SFMBT2: variants seen among roughly 807,000 people sequenced by gnomAD.
SFMBT2 encodes scm-like with four MBT domains protein 2.
Under a neutral mutation model 110.1 loss-of-function variants are expected in SFMBT2, and 38 were observed. The ratio of observed to expected loss-of-function variants is 0.35; its 90% CI spans 0.27 to 0.45. The LOEUF (loss-of-function observed/expected upper bound fraction) is 0.45, where lower values mean the gene tolerates loss of function less well. Ranked by LOEUF, SFMBT2 falls within the 20% of genes least tolerant of loss-of-function variation. SFMBT2 has a pLI of 1.00. For synonymous variants in SFMBT2, 425 were observed against 425.4 expected, an observed-to-expected ratio of 1.00 and a Z score of 0.01; for missense variants, 1,011 against 1,094.9, an observed-to-expected ratio of 0.92 and a Z score of 1.08.
chr10:7,283,819 C>T, intron 6 of SFMBT2, 85 bp downstream of exon 6: 1 of 907,074 alleles, frequency 1.1e-6, no homozygotes, highest in Non-Finnish European at 1.8e-6. Context: ...TACCAGAAAG[C>T]TCATACATTT....
At chr10:7,229,753 C>T (rs796750797) in intron 9 of SFMBT2, among the ~76,000 whole-genome samples, 5 of 149,752 alleles carry the variant, frequency 3.3e-5, no homozygotes, top group African/African-American at 1.2e-4. Flanking sequence ...TGGAGTCTCA[C>T]TCTGTTACCC....
intron 4 of SFMBT2, among the ~76,000 whole-genome samples, chr10:7,335,620 C>CAA (rs781682609): frequency 1.3e-4 from 20 of 150,864 alleles, no homozygotes; most frequent in Admixed American, 5.3e-4. Context: ...CACACACACA[C>CAA]AACCATATAC....
rs1417259636 is a variant in SFMBT2, at chr10:7,265,819, GAA to G, written c.870+11071_870+11072del. Among the ~76,000 whole-genome samples, 3 of 152,292 alleles carry G rather than the reference GAA, an allele frequency of 2.0e-5. No individual in the cohort carries two copies. In the South Asian group the frequency reaches 6.2e-4, roughly 32 times the overall value. Reference sequence around the variant, plus strand: ...TATATCCCCATGAATCCCCATTCAAGAACATTTACTGAGAACTGATGATGTCC... The same window carrying G: ...TATATCCCCATGAATCCCCATTCAAGCATTTACTGAGAACTGATGATGTCC... On this transcript the variant is annotated intron_variant, in intron 7 of 20. Transcript: ENST00000397167.
In SFMBT2 at chr10:7,171,794, G is replaced by A. The variant is rs1588761964; in HGVS notation, c.2415+101C>T. ...AGCTAGAGCAGCTGCTGCTGTTGGA[G>A]GTATTTTAAACAGGTTTCCCCACAT... On this transcript the variant is annotated intron_variant, in intron 19 of 20. Coordinates refer to ENST00000397167, the MANE Select transcript of SFMBT2 (RefSeq NM_001387889.1). This position sits in a 1 kb window ranked among gnomAD's most constrained non-coding sequence, Gnocchi z 4.9. 3 of 1,201,830 alleles carry A rather than the reference G, an allele frequency of 2.5e-6. No individual in the cohort carries two copies. The highest frequency in any genetic ancestry group is 3.2e-6 in the Non-Finnish European group (3 of 929,460). The allele number at this position is 1,201,830 out of a possible 1,614,324, so 74.4% of individuals were successfully genotyped here.
At chr10:7,193,875 A>G (rs1388098700) in intron 15 of SFMBT2, among the ~76,000 whole-genome samples, 1 of 152,232 alleles carries the variant, frequency 6.6e-6, no homozygotes, top group Non-Finnish European at 1.5e-5. Context: ...CAATCTCCTG[A>G]TATGACATAG....
intron 2 of SFMBT2, among the ~76,000 whole-genome samples, chr10:7,379,987 GT>G (rs1845378185): frequency 6.6e-6 from 1 of 152,200 alleles, no homozygotes; most frequent in South Asian, 2.1e-4. Context: ...CCAATACACA[GT>G]TGGTGTTTAA....
intron 15 of SFMBT2, among the ~76,000 whole-genome samples, chr10:7,194,061 C>CT (rs1838692289): frequency 6.6e-6 from 1 of 152,196 alleles, no homozygotes; most frequent in Non-Finnish European, 1.5e-5. Flanking sequence ...CTCCATGCAA[C>CT]TGGGCATGGG....
At chr10:7,343,791 T>C (rs538513055) in intron 4 of SFMBT2, among the ~76,000 whole-genome samples, 6 of 152,138 alleles carry the variant, frequency 3.9e-5, no homozygotes, top group Non-Finnish European at 1.5e-5. Context: ...GGTTCTAACT[T>C]AGAAGCAAAC....
rs751737222 is a variant in SFMBT2, at chr10:7,248,546, A to C, written c.972+2T>G. On this transcript the variant is annotated splice_donor_variant, in intron 8 of 20. Coordinates refer to ENST00000397167, the MANE Select transcript of SFMBT2 (RefSeq NM_001387889.1). LOFTEE classifies it high-confidence loss of function. ...GTCGAAGAGCGAGGGAGGAAAACCC[A>C]CCTTAGTCACCGACGCAGGAGAGAT... 1 of 1,613,328 alleles carries C rather than the reference A, an allele frequency of 6.2e-7. No homozygotes were observed. Among genetic ancestry groups the C allele is most frequent in the Admixed American group, 1.7e-5 (1 of 60,018 alleles).
At chr10:7,328,193 G>A (rs1843454686) in intron 4 of SFMBT2, among the ~76,000 whole-genome samples, 1 of 152,122 alleles carries the variant, frequency 6.6e-6, no homozygotes, top group South Asian at 2.1e-4. Context: ...TATTGACTGT[G>A]GCTCTAATTT....
Position 7,171,574 on chromosome 10 carries a change from T to C in SFMBT2, c.2415+321A>G, listed in dbSNP as rs1448298387. 1 of 985,112 alleles carries C rather than the reference T, an allele frequency of 1.0e-6. No individual in the cohort carries two copies. The highest frequency in any genetic ancestry group is 6.2e-5 in the Admixed American group (1 of 16,238). 61.0% of individuals were successfully genotyped at this position (985,112 alleles called of 1,614,324 possible). On this transcript the variant is annotated intron_variant, in intron 19 of 20. Coordinates refer to ENST00000397167, the MANE Select transcript of SFMBT2 (RefSeq NM_001387889.1). The surrounding 1 kb of genome is among the most constrained non-coding windows in gnomAD (Gnocchi z 4.9). ...CAAGACACAGCGCAGTCAGGGGAGA[T>C]GCGGGGAAGGAATTTCTGGAAACCC...
At position 7,303,846 on chromosome 10, in the gene SFMBT2, A is replaced by C. The variant is rs1308417733; in HGVS notation, c.437-17892T>G. Among the ~76,000 whole-genome samples, 4 of 152,326 alleles carry C rather than the reference A, an allele frequency of 2.6e-5. No homozygotes were observed. In the East Asian group the frequency reaches 7.7e-4, roughly 29 times the overall value. ...ATGTAGTCACACATATTTATGCCAG[A>C]TAGGAGCTTATCTTGCTTGACCACA... is the stretch of plus-strand genomic sequence containing the variant. On this transcript the variant is annotated intron_variant, in intron 4 of 20. Transcript: ENST00000397167.
At position 7,243,545 on chromosome 10, in the gene SFMBT2, A is replaced by G. The variant is rs775122271; in HGVS notation, c.1120+13T>C. The G allele has an allele frequency of 1.1e-6, 1 of 872,456 alleles. No individual in the cohort carries two copies. Among genetic ancestry groups the G allele is most frequent in the Non-Finnish European group, 2.0e-6 (1 of 501,516 alleles). The allele number at this position is 872,456 out of a possible 1,614,324, so 54.0% of individuals were successfully genotyped here. The stretch of plus-strand genomic sequence containing the variant: ...GAATCTCCAGACCCTGCATACCTTC[A>G]CAGAATACAAACCTTTGGGAGGAGT... On this transcript the variant is annotated intron_variant, in intron 9 of 20. Transcript: ENST00000397167.
chr10:7,197,062 G>A (rs991488252), intron 15 of SFMBT2, among the ~76,000 whole-genome samples: 2 of 151,930 alleles, frequency 1.3e-5, no homozygotes, highest in African/African-American at 2.4e-5. Flanking sequence ...ATTACCTCCC[G>A]TGTGCAGGTA....
chr10:7,346,869 C>G (rs1413233978), intron 4 of SFMBT2, among the ~76,000 whole-genome samples: 10 of 151,452 alleles, frequency 6.6e-5, no homozygotes, highest in African/African-American at 1.2e-4. Flanking sequence ...GCCTGTAATC[C>G]CAGCTACTCA....
At chr10:7,402,112 T>TAA (rs76629935) in intron 1 of SFMBT2, among the ~76,000 whole-genome samples, 4 of 125,466 alleles carry the variant, frequency 3.2e-5, no homozygotes, top group Non-Finnish European at 3.4e-5. Flanking sequence ...TATTTAACAT[T>TAA]AAAAAAAAAA....
rs748407562 is a variant in SFMBT2, at chr10:7,317,138, C to A, written c.437-31184G>T. Among the ~76,000 whole-genome samples, 6 of 152,078 alleles carry A rather than the reference C, an allele frequency of 3.9e-5. No individual in the cohort carries two copies. In the East Asian group the frequency reaches 1.2e-3, roughly 29 times the overall value. On this transcript the variant is annotated intron_variant, in intron 4 of 20. Transcript: ENST00000397167. ...AGAGGGCTTTGTCCTCGTGCCCCCTCCCCCAGGGTCATGTCCTGAGTGTGT... is the reference window on the plus strand; with the variant it reads ...AGAGGGCTTTGTCCTCGTGCCCCCTACCCCAGGGTCATGTCCTGAGTGTGT...
chr10:7,226,115 G>A (rs1045116704), intron 10 of SFMBT2, among the ~76,000 whole-genome samples: 2 of 152,214 alleles, frequency 1.3e-5, no homozygotes, highest in East Asian at 3.9e-4. Flanking sequence ...ATCCTGCGGA[G>A]AGCCCGGACT....
intron 12 of SFMBT2, chr10:7,204,495 T>A: frequency 2.1e-6 from 2 of 961,510 alleles, no homozygotes; most frequent in Non-Finnish European, 2.4e-6. Context: ...CTGATATGCA[T>A]TAGGGTAGAA....
Sources: allele counts gnomAD v4.1 joint callset (sites outside exome capture counted in the v4.1 genomes callset), GRCh38; gene constraint gnomAD v4.1.1; non-coding constraint Gnocchi (gnomAD v3.1); transcripts MANE v1.5; gene names NCBI Gene and HGNC (gene_info 2026-07-23, HGNC 2026-07-21).